The following ATF6 variants were observed in gnomAD, a reference collection of about 807,000 sequenced individuals.
ATF6 encodes the protein activating transcription factor 6.
A neutral mutation model predicts 83.6 loss-of-function variants in ATF6; 53 were observed. The ratio of observed to expected loss-of-function variants is 0.63; its 90% CI spans 0.51 to 0.80. The LOEUF is 0.80. ATF6 is among the 30% of genes least tolerant of loss of function. The probability of loss-of-function intolerance (pLI) is 0.00; values close to 1 mark genes in which losing one functional copy is unlikely to be tolerated. For missense variants in ATF6, 744 were observed against 797.9 expected, an observed-to-expected ratio of 0.93 and a Z score of 0.81; for synonymous variants, 288 against 285.8, an observed-to-expected ratio of 1.01 and a Z score of -0.08.
At chr1:161,873,797 G>A (rs144869764) in intron 14 of ATF6, among the ~76,000 whole-genome samples, 1 of 151,702 alleles carries the variant, frequency 6.6e-6, no homozygotes. Context: ...GAAGTACCCT[G>A]AGGGCAGGAA....
chr1:161,798,356 G>A (rs1685068596), intron 6 of ATF6, among the ~76,000 whole-genome samples: 1 of 152,206 alleles, frequency 6.6e-6, no homozygotes, highest in Non-Finnish European at 1.5e-5. Flanking sequence ...GTTCACACCT[G>A]TAATCCCAGC....
intron 7 of ATF6, among the ~76,000 whole-genome samples, chr1:161,808,663 T>C (rs1685364675): frequency 6.6e-6 from 1 of 152,076 alleles, no homozygotes; most frequent in Admixed American, 6.6e-5. Context: ...GCCTTAAATA[T>C]CTGGGCTTAA....
At chr1:161,806,308 G>A (rs1372195354) in intron 7 of ATF6, among the ~76,000 whole-genome samples, 1 of 152,164 alleles carries the variant, frequency 6.6e-6, no homozygotes, top group Non-Finnish European at 1.5e-5. Flanking sequence ...GTTTAAATCT[G>A]CATTACACTC....
At chr1:161,902,443 G>T (rs952081037) in intron 14 of ATF6, among the ~76,000 whole-genome samples, 8 of 152,178 alleles carry the variant, frequency 5.3e-5, no homozygotes, top group African/African-American at 1.9e-4. Flanking sequence ...GTATGTGGCG[G>T]TGAAGAATAC....
At chr1:161,797,002 A>G (rs1301381568) in intron 6 of ATF6, among the ~76,000 whole-genome samples, 4 of 152,136 alleles carry the variant, frequency 2.6e-5, no homozygotes, top group Middle Eastern at 6.8e-3. Flanking sequence ...ATTAAAACCT[A>G]ACACTTGGTC....
intron 2 of ATF6, among the ~76,000 whole-genome samples, chr1:161,780,791 C>A (rs906111833): frequency 6.6e-6 from 1 of 152,096 alleles, no homozygotes; most frequent in Non-Finnish European, 1.5e-5. Flanking sequence ...CTCATTGCAG[C>A]CTCCATCTTT....
At chr1:161,897,744 G>A (rs1687705589) in intron 14 of ATF6, among the ~76,000 whole-genome samples, 2 of 152,330 alleles carry the variant, frequency 1.3e-5, no homozygotes, top group South Asian at 4.1e-4. Flanking sequence ...GACTTAGGGT[G>A]AAGAAAAAGT....
intron 15 of ATF6, among the ~76,000 whole-genome samples, chr1:161,923,760 T>C (rs1688259240): frequency 6.6e-6 from 1 of 152,198 alleles, no homozygotes; most frequent in Non-Finnish European, 1.5e-5. Context: ...TTGATCCTTC[T>C]AGGATATTAG....
chr1:161,905,054 G>T (rs1687855040), intron 14 of ATF6, among the ~76,000 whole-genome samples: 1 of 152,208 alleles, frequency 6.6e-6, no homozygotes, highest in African/African-American at 2.4e-5. Context: ...AAAGGATCAA[G>T]ATCTGGAGTG....
At chr1:161,920,294 C>CTTTTTTTTTTCT (rs1688182475) in intron 15 of ATF6, among the ~76,000 whole-genome samples, 1 of 54,846 alleles carries the variant, frequency 1.8e-5, no homozygotes, top group African/African-American at 7.4e-5. Context: ...CTCTCTCTCT[C>CTTTTTTTTTTCT]TTTTTTTTTT....
intron 6 of ATF6, among the ~76,000 whole-genome samples, chr1:161,794,844 A>G (rs1165255376): frequency 5.3e-5 from 8 of 152,324 alleles, no homozygotes; most frequent in Admixed American, 2.6e-4. Context: ...TGGAATATCA[A>G]TGAAAGTGGA....
At chr1:161,932,823 C>T (rs1410971294) in intron 15 of ATF6, among the ~76,000 whole-genome samples, 4 of 152,168 alleles carry the variant, frequency 2.6e-5, no homozygotes, top group Non-Finnish European at 4.4e-5. Context: ...TGCAAGCTCA[C>T]TCGTATGGTT....
chr1:161,849,410 T>C (rs1686561453), intron 10 of ATF6, among the ~76,000 whole-genome samples: 1 of 152,206 alleles, frequency 6.6e-6, no homozygotes, highest in African/African-American at 2.4e-5. Flanking sequence ...CTCTCGTGTG[T>C]GGCATAAATA....
Position 161,884,566 on chromosome 1 carries a change from G to A in ATF6, c.1719+21254G>A, listed in dbSNP as rs7543084. Among the ~76,000 whole-genome samples the A allele has an allele frequency of 3.0e-3, 456 of 151,428 alleles. 4 individuals are homozygous for A. Among genetic ancestry groups the A allele is most frequent in the African/African-American group, 0.011 (443 of 41,230 alleles). Reference sequence around the variant, plus strand: ...TAACTGTAATTATCCTCAAAGAATTGGATTAAGAAATTCAATAATTTTCTG... The same window carrying A: ...TAACTGTAATTATCCTCAAAGAATTAGATTAAGAAATTCAATAATTTTCTG... On this transcript the variant is annotated intron_variant, in intron 14 of 15. Coordinates refer to ENST00000367942, the MANE Select transcript of ATF6 (RefSeq NM_007348.4).
intron 1 of ATF6, 86 bp downstream of exon 1, chr1:161,766,528 C>T: frequency 7.7e-7 from 1 of 1,302,068 alleles, no homozygotes; most frequent in Non-Finnish European, 1.1e-6. Context: ...CTCGTGGTGA[C>T]AGGTGTGGAC....
intron 14 of ATF6, among the ~76,000 whole-genome samples, chr1:161,879,528 T>G (rs1687282695): frequency 6.6e-6 from 1 of 152,096 alleles, no homozygotes; most frequent in Non-Finnish European, 1.5e-5. Context: ...TAGGGTGTCA[T>G]AAGAGCACAC....
chr1:161,955,079 G>A (rs1338044638), intron 15 of ATF6, among the ~76,000 whole-genome samples: 1 of 152,038 alleles, frequency 6.6e-6, no homozygotes, highest in Non-Finnish European at 1.5e-5. Context: ...ATCTAATGTT[G>A]ACCATGTTCT....
At chr1:161,773,070 C>T (rs1403114349) in intron 1 of ATF6, among the ~76,000 whole-genome samples, 7 of 150,008 alleles carry the variant, frequency 4.7e-5, no homozygotes, top group African/African-American at 9.8e-5. Flanking sequence ...TGGATTCAAG[C>T]GATTCCCGCC....
chr1:161,802,585 AC>A (rs1685181112), intron 7 of ATF6, among the ~76,000 whole-genome samples: 1 of 152,186 alleles, frequency 6.6e-6, no homozygotes, highest in Non-Finnish European at 1.5e-5. Flanking sequence ...TACACCCTCA[AC>A]CCAGTCATCC....
Sources: gnomAD v4.1 joint callset for allele counts (sites outside exome capture counted in the v4.1 genomes callset) on GRCh38, gnomAD v4.1.1 for gene constraint, MANE v1.5 for transcripts, NCBI Gene and HGNC (gene_info 2026-07-23, HGNC 2026-07-21) for gene names.